The following ATP2C2 variants were observed in gnomAD, a reference collection of about 807,000 sequenced individuals.
ATP2C2 encodes the protein ATPase secretory pathway Ca2+ transporting 2.
In ATP2C2, 171 loss-of-function variants were observed where a neutral mutation model predicts 110.8. The ratio of observed to expected loss-of-function variants is 1.54; its 90% CI spans 1.36 to 1.75. The LOEUF (loss-of-function observed/expected upper bound fraction) is 1.75. Among genes scored for constraint, ATP2C2 ranks in the 40% most tolerant of loss-of-function variants. The pLI, the probability that ATP2C2 is intolerant of heterozygous loss-of-function variation, is 0.00. For synonymous variants in ATP2C2, 804 were observed against 508.4 expected, an observed-to-expected ratio of 1.58 and a Z score of -7.82; for missense variants, 1,963 against 1,235.0, an observed-to-expected ratio of 1.59 and a Z score of -8.84.
chr16:84,449,687 A>T (rs1910079675), intron 17 of ATP2C2, among the ~76,000 whole-genome samples: 1 of 152,164 alleles, frequency 6.6e-6, no homozygotes, highest in Non-Finnish European at 1.5e-5. Flanking sequence ...GACACCAGCG[A>T]CGGGGCTGTG....
At chr16:84,413,937 A>T (rs1906611056) in intron 6 of ATP2C2, among the ~76,000 whole-genome samples, 1 of 152,174 alleles carries the variant, frequency 6.6e-6, no homozygotes, top group Non-Finnish European at 1.5e-5. Flanking sequence ...ATTCCTACCA[A>T]GGGAGTACAT....
At chr16:84,398,208 C>A (rs1433675852) in intron 1 of ATP2C2, among the ~76,000 whole-genome samples, 1 of 151,978 alleles carries the variant, frequency 6.6e-6, no homozygotes, top group Non-Finnish European at 1.5e-5. Flanking sequence ...TTGAGACCAA[C>A]CTGGCCAACA....
chr16:84,448,959 C>A (rs1008287215), intron 17 of ATP2C2, among the ~76,000 whole-genome samples: 2 of 152,200 alleles, frequency 1.3e-5, no homozygotes, highest in African/African-American at 4.8e-5. Flanking sequence ...ATGGGCTGCA[C>A]CCCAAACATT....
intron 10 of ATP2C2, among the ~76,000 whole-genome samples, chr16:84,423,520 C>T (rs1323690832): frequency 6.6e-6 from 1 of 152,222 alleles, no homozygotes; most frequent in African/African-American, 2.4e-5. Flanking sequence ...AGTCCAAAGT[C>T]CGTGGGTGTA....
intron 1 of ATP2C2, among the ~76,000 whole-genome samples, chr16:84,386,040 A>C (rs1471107987): frequency 6.6e-6 from 1 of 152,154 alleles, no homozygotes. Flanking sequence ...TGCCCTCTTG[A>C]CATTTTTTAC....
Position 84,453,381 on chromosome 16 carries a change from G to C in ATP2C2, c.1980+10G>C, listed in dbSNP as rs369701861. 1.2e-6 allele frequency: 2 copies of C among 1,614,138 alleles called. No individual in the cohort carries two copies. The highest frequency in any genetic ancestry group is 3.3e-5 in the Admixed American group (2 of 60,028). On this transcript the variant is annotated intron_variant, in intron 20 of 26. Coordinates refer to ENST00000262429, the MANE Select transcript of ATP2C2 (RefSeq NM_014861.4). ...GCTCAAAATCATCAAGGTTCGCTGG[G>C]CAAGGCAGGCACAGGCTGCGCTGCT...
intron 2 of ATP2C2, among the ~76,000 whole-genome samples, chr16:84,403,377 G>C (rs4782954): frequency 0.44 from 67,404 of 151,976 alleles, 15,262 homozygotes; most frequent in South Asian, 0.61. Context: ...GCAATCAAGG[G>C]CCAGTGCAGC....
rs571704999 is a variant in ATP2C2, at chr16:84,442,570, G to A, written c.1372G>A (p.Glu458Lys). 22 of 1,614,082 alleles carry A rather than the reference G, an allele frequency of 1.4e-5. No individual in the cohort carries two copies. The highest frequency in any genetic ancestry group is 1.7e-5 in the Admixed American group (1 of 60,016). Residue 458 changes from glutamate (E) to lysine (K), a missense_variant, in exon 15 of 27, where the codon GAG (glutamate) becomes AAG (lysine). Glu to Lys is a moderately conservative substitution (Grantham distance 56). Transcript: ENST00000262429. ...GAACGCCGTGATGGGGCAGCCCACC[G>A]AGGGTGCATTGATGGCCCTGGCGAT... The part of the protein sequence containing the change: ...RKNAVMGQPT[E>K]GALMALAMKM...
chr16:84,413,174 C>G (rs1906536473), intron 6 of ATP2C2, among the ~76,000 whole-genome samples: 1 of 151,830 alleles, frequency 6.6e-6, no homozygotes, highest in African/African-American at 2.4e-5. Flanking sequence ...GTCTCCAAGA[C>G]CCATTTCCAA....
chr16:84,420,884 C>A (rs1597804187), intron 7 of ATP2C2, among the ~76,000 whole-genome samples: 1 of 152,186 alleles, frequency 6.6e-6, no homozygotes, highest in Admixed American at 6.5e-5. Context: ...CGGCTCACTG[C>A]AACCTCCGCC....
intron 23 of ATP2C2, 114 bp downstream of exon 23, chr16:84,459,500 C>T (rs775308232): frequency 6.2e-5 from 98 of 1,580,018 alleles, no homozygotes; most frequent in Middle Eastern, 1.7e-4. Context: ...AGCCACTTTC[C>T]ATCAGGAGTT....
At chr16:84,408,718 G>C (rs1906007431) in intron 4 of ATP2C2, among the ~76,000 whole-genome samples, 1 of 152,024 alleles carries the variant, frequency 6.6e-6, no homozygotes, top group African/African-American at 2.4e-5. Flanking sequence ...GGTGCTTCTG[G>C]GTCTTTGCTA....
At chr16:84,419,793 T>C (rs762692949) in intron 7 of ATP2C2, among the ~76,000 whole-genome samples, 12 of 152,134 alleles carry the variant, frequency 7.9e-5, no homozygotes, top group Admixed American at 2.6e-4. Context: ...CGTGAGTTTA[T>C]AGCCCAGAGT....
At chr16:84,449,628 C>G (rs990612184) in intron 17 of ATP2C2, among the ~76,000 whole-genome samples, 11 of 152,168 alleles carry the variant, frequency 7.2e-5, no homozygotes, top group Admixed American at 2.6e-4. Context: ...CTTCTGCGAG[C>G]CAGGTGATCT....
At chr16:84,400,529 G>C (rs563360338) in intron 2 of ATP2C2, among the ~76,000 whole-genome samples, 2 of 151,972 alleles carry the variant, frequency 1.3e-5, no homozygotes, top group African/African-American at 4.8e-5. Context: ...GGGTTTCACC[G>C]TGTTAGCCAG....
At chr16:84,368,860 A>C in intron 1 of ATP2C2, 146 bp downstream of exon 1, 1 of 711,658 alleles carries the variant, frequency 1.4e-6, no homozygotes, top group Non-Finnish European at 2.3e-6. Context: ...CTGTCCTCAC[A>C]GCAACCGCGC....
At chr16:84,425,133 C>A (rs1249717644) in intron 10 of ATP2C2, among the ~76,000 whole-genome samples, 1 of 152,174 alleles carries the variant, frequency 6.6e-6, no homozygotes, top group African/African-American at 2.4e-5. Flanking sequence ...ATCCCTGGCC[C>A]CCTGGCCCCT....
At chr16:84,449,060 A>T (rs1031302206) in intron 17 of ATP2C2, among the ~76,000 whole-genome samples, 1 of 152,048 alleles carries the variant, frequency 6.6e-6, no homozygotes, top group Non-Finnish European at 1.5e-5. Context: ...TCCCTTAGCC[A>T]TTTTCAATTT....
chr16:84,460,657 G>C lies in ATP2C2; in HGVS notation c.2337G>C (p.Leu779Phe), dbSNP rs373092570. ...GTCTGTGTCTTGTTCGGAGCAGCTT[G>C]GGGGTAGAGCCCGTTGACAAAGACG... is the stretch of plus-strand genomic sequence containing the variant. ...IIMDGPPAQS[L>F]GVEPVDKDAF... The change falls in exon 24 of 27, where the codon TTG (leucine) becomes TTC (phenylalanine). Residue 779 changes from leucine to phenylalanine, a missense_variant. Physicochemically the swap from Leu to Phe is conservative, Grantham distance 22. Transcript: ENST00000262429. 5.0e-6 allele frequency: 8 copies of C among 1,614,100 alleles called. No homozygotes were observed. In the South Asian group the frequency reaches 8.8e-5, roughly 18 times the overall value.
Sources: gnomAD v4.1 joint callset for allele counts (sites outside exome capture counted in the v4.1 genomes callset) on GRCh38, gnomAD v4.1.1 for gene constraint, MANE v1.5 for transcripts, NCBI Gene and HGNC (gene_info 2026-07-23, HGNC 2026-07-21) for gene names.